Variants in CERS1 observed in about 807,000 individuals in gnomAD.
The protein encoded by CERS1 is ceramide synthase 1.
A neutral mutation model predicts 35.7 loss-of-function variants in CERS1; 16 were observed. That is an observed-to-expected ratio of 0.45 (90% CI 0.30 to 0.68). The LOEUF is 0.68. Among genes scored for constraint, CERS1 ranks in the 30% least tolerant of loss-of-function variants. The pLI is 0.08. For missense variants in CERS1, 454 were observed against 453.9 expected, an observed-to-expected ratio of 1.00 and a Z score of 0.00; for synonymous variants, 243 against 201.6, an observed-to-expected ratio of 1.21 and a Z score of -1.74.
intron 7 of CERS1, 37 bp from the exon 8 acceptor site, chr19:18,869,427 G>C (rs746250122): frequency 6.6e-7 from 1 of 1,522,180 alleles, no homozygotes; most frequent in Admixed American, 2.0e-5. Context: ...CTCGCGCTGC[G>C]TCCCCGGCCT....
Position 18,896,020 on chromosome 19 carries a change from C to G in CERS1, c.53G>C (p.Ser18Thr), listed in dbSNP as rs2056618569. Residue 18 changes from serine (S) to threonine (T), a missense_variant, in exon 1 of 8, where the codon AGC (serine) becomes ACC (threonine). Physicochemically the swap from Ser to Thr is moderately conservative, Grantham distance 58. Transcript: ENST00000623882. The surrounding 1 kb of genome is among the most constrained non-coding windows in gnomAD (Gnocchi z 5.9). ...AGPTGPEPMP[S>T]YAQLVQRGWG... ...GCCGCGCTGCACTAGCTGCGCGTAG[C>G]TCGGCATGGGCTCGGGCCCCGTCGG... The G allele has an allele frequency of 5.0e-6, 5 of 1,006,774 alleles. No homozygotes were observed. Among genetic ancestry groups the G allele is most frequent in the Non-Finnish European group, 4.7e-6 (4 of 844,892 alleles). 62.4% of individuals were successfully genotyped at this position (1,006,774 alleles called of 1,614,324 possible).
Position 18,895,817 on chromosome 19 carries a change from C to A in CERS1, c.249+7G>T. 7.9e-7 allele frequency: 1 copy of A among 1,259,556 alleles called. No homozygotes were observed. The highest frequency in any genetic ancestry group is 2.1e-5 in the South Asian group (1 of 46,854). 78.0% of individuals were successfully genotyped at this position (1,259,556 alleles called of 1,614,324 possible). A position where few individuals can be genotyped will look rare whatever the true frequency, so the allele number is the denominator to read the frequency against. On this transcript the variant is annotated splice_region_variant and intron_variant, in intron 1 of 7. Coordinates refer to ENST00000623882, the MANE Select transcript of CERS1 (RefSeq NM_021267.5). This position sits in a 1 kb window ranked among gnomAD's most constrained non-coding sequence, Gnocchi z 6.4. ...GTCCCCTCGTCCCGGCCCCCGGCCA[C>A]ACTGACCCGAAAGAGGCGCGCAGTG...
Position 18,869,299 on chromosome 19 carries a change from A to T in CERS1, c.*686T>A. The T allele has an allele frequency of 3.3e-6, 5 of 1,514,974 alleles. No individual in the cohort carries two copies. Among genetic ancestry groups the T allele is most frequent in the Non-Finnish European group, 4.4e-6 (5 of 1,138,932 alleles). The allele number at this position is 1,514,974 out of a possible 1,614,324, so 93.8% of individuals were successfully genotyped here. ...CCAGGCGGGCCCGGCTCGGGCGCTC[A>T]GCGGGTTCCACAGCCGACAGGTCGA... On this transcript the variant is annotated 3_prime_UTR_variant, in exon 8 of 8. Coordinates refer to ENST00000623882, the MANE Select transcript of CERS1 (RefSeq NM_021267.5).
upstream of CERS1, chr19:18,896,556 C>G (rs2146086813): frequency 6.5e-6 from 1 of 153,298 alleles, no homozygotes; most frequent in East Asian, 1.9e-4. The surrounding 1 kb of genome is among the most constrained non-coding windows in gnomAD (Gnocchi z 5.9). Context: ...CCGCTCCGAC[C>G]TCACCGTTCT....
intron 2 of CERS1, among the ~76,000 whole-genome samples, chr19:18,888,483 A>G (rs556145229): frequency 3.7e-5 from 5 of 133,438 alleles, no homozygotes; most frequent in Non-Finnish European, 7.7e-5. Context: ...ACACCACCAC[A>G]CTCCAGCCTG....
chr19:18,887,670 G>T (rs1276237030), intron 2 of CERS1, among the ~76,000 whole-genome samples: 1 of 149,456 alleles, frequency 6.7e-6, no homozygotes, highest in Admixed American at 6.7e-5. Flanking sequence ...CTTAAACCCG[G>T]GAGGCGGAGG....
At chr19:18,886,179 G>A (rs1303850870) in intron 2 of CERS1, among the ~76,000 whole-genome samples, 4 of 150,906 alleles carry the variant, frequency 2.7e-5, no homozygotes, top group Non-Finnish European at 4.4e-5. Context: ...GCCGAGGCAG[G>A]AGAGTTGCTT....
chr19:18,885,039 G>C (rs2056316660), intron 2 of CERS1, among the ~76,000 whole-genome samples: 1 of 151,850 alleles, frequency 6.6e-6, no homozygotes, highest in African/African-American at 2.4e-5. Flanking sequence ...ATTTTAGGAA[G>C]AGTTTTGGGT....
chr19:18,870,679 T>C lies in CERS1; in HGVS notation c.1011-60A>G. On this transcript the variant is annotated intron_variant, in intron 6 of 7. Coordinates refer to ENST00000623882, the MANE Select transcript of CERS1 (RefSeq NM_021267.5). The surrounding 1 kb of genome is among the most constrained non-coding windows in gnomAD (Gnocchi z 5.1). ...GCCCCACGCGGCCGCCTGGCCCTCT[T>C]TCCCGCTTCTTCTCTGGCCGTTTCA... 3.9e-6 allele frequency: 2 copies of C among 507,526 alleles called. No homozygotes were observed. The highest frequency in any genetic ancestry group is 3.5e-5 in the South Asian group (1 of 28,958). 31.4% of individuals were successfully genotyped at this position (507,526 alleles called of 1,614,324 possible). A position where few individuals can be genotyped will look rare whatever the true frequency, so the allele number is the denominator to read the frequency against.
chr19:18,880,307 G>T lies in CERS1; in HGVS notation c.719C>A (p.Ala240Glu). ...GSYHRLHALA[A>E]DLGCLSFGFS... ...GCCGAAGCTGAGGCAGCCCAAGTCT[G>T]CTGCCAAGGCATGCAGCCGATGGTA... Residue 240 changes from alanine (A) to glutamate (E), a missense_variant, in exon 4 of 8, where the codon GCA becomes GAA. Transcript: ENST00000623882. 1 of 1,552,488 alleles carries T rather than the reference G, an allele frequency of 6.4e-7. No homozygotes were observed. The highest frequency in any genetic ancestry group is 1.4e-5 in the African/African-American group (1 of 73,230).
chr19:18,878,003 G>A lies in CERS1; in HGVS notation c.1010+927C>T, dbSNP rs538195299. On this transcript the variant is annotated intron_variant, in intron 6 of 7. Coordinates refer to ENST00000623882, the MANE Select transcript of CERS1 (RefSeq NM_021267.5). This position sits in a 1 kb window ranked among gnomAD's most constrained non-coding sequence, Gnocchi z 4.6. ...TTCCAAACAGGGTGGGGGGTCTGAC[G>A]CTCCTCTGCCTGGCTACAGCCCCGG... 1.1e-4 allele frequency: 106 copies of A among 985,452 alleles called. No individual in the cohort carries two copies. The highest frequency in any genetic ancestry group is 1.2e-4 in the Admixed American group (2 of 16,268). The allele number at this position is 985,452 out of a possible 1,614,324, so 61.0% of individuals were successfully genotyped here.
At position 18,870,480 on chromosome 19, in the gene CERS1, G is replaced by A; in HGVS notation, c.*97C>T. ...AGGGGAGGTGGCGGCGGCCCTAGAG[G>A]AGCAGAGTTGGAGGGGGTGGAGGGG... On this transcript the variant is annotated 3_prime_UTR_variant, in exon 7 of 8. Coordinates refer to ENST00000623882, the MANE Select transcript of CERS1 (RefSeq NM_021267.5). The surrounding 1 kb of genome is among the most constrained non-coding windows in gnomAD (Gnocchi z 5.1). 1 of 552,238 alleles carries A rather than the reference G, an allele frequency of 1.8e-6. No individual in the cohort carries two copies. The highest frequency in any genetic ancestry group is 3.2e-6 in the Non-Finnish European group (1 of 312,944). The allele number at this position is 552,238 out of a possible 1,614,324, so 34.2% of individuals were successfully genotyped here. A position where few individuals can be genotyped will look rare whatever the true frequency, so the allele number is the denominator to read the frequency against.
intron 2 of CERS1, among the ~76,000 whole-genome samples, chr19:18,891,603 G>T (rs549500081): frequency 1.3e-5 from 2 of 151,940 alleles, no homozygotes; most frequent in Non-Finnish European, 2.9e-5. Context: ...CCCCAGGCAG[G>T]GTCTCGCTCT....
chr19:18,874,570 A>G (rs1163105467), intron 6 of CERS1, among the ~76,000 whole-genome samples: 2 of 152,256 alleles, frequency 1.3e-5, no homozygotes, highest in Non-Finnish European at 2.9e-5. Context: ...GAGAGAGGTG[A>G]GAGTGTCTCA....
intron 6 of CERS1, among the ~76,000 whole-genome samples, chr19:18,873,135 A>C (rs1051488075): frequency 6.6e-6 from 1 of 152,130 alleles, no homozygotes; most frequent in African/African-American, 2.4e-5. Flanking sequence ...TTTGCCCCAA[A>C]TTGCTGTCAA....
At chr19:18,873,905 A>T (rs2056018359) in intron 6 of CERS1, among the ~76,000 whole-genome samples, 1 of 151,552 alleles carries the variant, frequency 6.6e-6, no homozygotes, top group African/African-American at 2.4e-5. Flanking sequence ...AGAGAGCCAC[A>T]TGGGAGCTGG....
In CERS1 at chr19:18,868,991, G is replaced by A; in HGVS notation, c.*994C>T. The A allele has an allele frequency of 3.6e-6, 4 of 1,110,066 alleles. No individual in the cohort carries two copies. The highest frequency in any genetic ancestry group is 4.4e-6 in the Non-Finnish European group (4 of 910,678). 68.8% of individuals were successfully genotyped at this position (1,110,066 alleles called of 1,614,324 possible). On this transcript the variant is annotated 3_prime_UTR_variant, in exon 8 of 8. Coordinates refer to ENST00000623882, the MANE Select transcript of CERS1 (RefSeq NM_021267.5). Reference sequence around the variant, plus strand: ...CCGGGCCAGGGGGTGGCACAGGCGCGGGTCGAGGGTCACCAGCAGCAGCGA... The same window carrying A: ...CCGGGCCAGGGGGTGGCACAGGCGCAGGTCGAGGGTCACCAGCAGCAGCGA...
At chr19:18,876,384 G>T (rs2146002107) in intron 6 of CERS1, among the ~76,000 whole-genome samples, 1 of 152,034 alleles carries the variant, frequency 6.6e-6, no homozygotes, top group African/African-American at 2.4e-5. Context: ...ACAGGGTCTT[G>T]CTCTGTTGCT....
At position 18,880,343 on chromosome 19, in the gene CERS1, C is replaced by A. The variant is rs777656031; in HGVS notation, c.683G>T (p.Arg228Leu). 3.8e-6 allele frequency: 6 copies of A among 1,559,496 alleles called. No individual in the cohort carries two copies. Among genetic ancestry groups the A allele is most frequent in the Non-Finnish European group, 1.7e-6 (2 of 1,151,930 alleles). Residue 228 changes from arginine to leucine, a missense_variant, in exon 4 of 8, where the codon CGC becomes CTC. Arg to Leu is a moderately radical substitution (Grantham distance 102). Coordinates refer to ENST00000623882, the MANE Select transcript of CERS1 (RefSeq NM_021267.5). ...FTKLNIYFKS[R>L]GGSYHRLHAL... The stretch of plus-strand genomic sequence containing the variant: ...ATGCAGCCGATGGTAGGAGCCGCCG[C>A]GGGACTTGAAGTAAATGTTGAGCTT...
Sources: gnomAD v4.1 joint callset for allele counts (sites outside exome capture counted in the v4.1 genomes callset) on GRCh38, gnomAD v4.1.1 for gene constraint, Gnocchi (gnomAD v3.1) non-coding constraint, MANE v1.5 for transcripts, NCBI Gene and HGNC (gene_info 2026-07-23, HGNC 2026-07-21) for gene names.